XG: variants seen among roughly 807,000 people sequenced by gnomAD.
XG encodes glycoprotein Xg.
XG carries 24 observed loss-of-function variants against 25.7 expected under a neutral mutation model. That is an observed-to-expected ratio of 0.93 (90% confidence interval 0.68 to 1.31). The LOEUF (loss-of-function observed/expected upper bound fraction) is 1.31. Ranked by LOEUF, XG falls within the 40% of genes most tolerant of loss-of-function variation. XG has a pLI of 0.00. For missense variants in XG, 181 were observed against 187.6 expected (o/e 0.96, Z 0.21); for synonymous variants, 77 against 69.2 (o/e 1.11, Z -0.56).
At chrX:2,787,197 C>CTGG (rs1477911303) in intron 4 of XG, among the ~76,000 whole-genome samples, 1 of 109,519 alleles carries the variant, frequency 9.1e-6, no homozygotes, top group African/African-American at 3.3e-5. Context: ...GTTTATAAGC[C>CTGG]ACCCAGTCTT....
At chrX:2,778,953 G>A (rs1488536247) in intron 3 of XG, among the ~76,000 whole-genome samples, 1 of 151,710 alleles carries the variant, frequency 6.6e-6, no homozygotes, top group Admixed American at 6.6e-5. Context: ...TAGTAGAGAC[G>A]GGGTTTCACC....
chrX:2,811,124 T>A (rs746699600), intron 9 of XG, among the ~76,000 whole-genome samples: 25 of 104,921 alleles, frequency 2.4e-4, no homozygotes, highest in Non-Finnish European at 4.1e-4. Flanking sequence ...TCTTTTTTTT[T>A]AAATTAAGTT....
chrX:2,775,709 G>A (rs1397688696), intron 3 of XG, among the ~76,000 whole-genome samples: 2 of 151,036 alleles, frequency 1.3e-5, no homozygotes, highest in African/African-American at 2.4e-5. Flanking sequence ...TAATCCCAGC[G>A]CTTTGAAAGG....
chrX:2,781,194 C>A (rs2068524014), intron 3 of XG, among the ~76,000 whole-genome samples: 1 of 151,698 alleles, frequency 6.6e-6, no homozygotes, highest in African/African-American at 2.4e-5. Flanking sequence ...GAGTTTTTCC[C>A]AGGACTTTCC....
intron 7 of XG, among the ~76,000 whole-genome samples, chrX:2,805,043 G>A (rs376865747): frequency 1.7e-3 from 194 of 112,357 alleles, no homozygotes; most frequent in African/African-American, 5.7e-3. Context: ...GTCAGCGCTC[G>A]GATTAGCATC....
chrX:2,782,860 A>T (rs185517439), intron 4 of XG, among the ~76,000 whole-genome samples: 138 of 111,993 alleles, frequency 1.2e-3, no homozygotes, highest in Non-Finnish European at 2.1e-3. Context: ...GCAAAGGCAG[A>T]CTGGTTCCCA....
At chrX:2,803,464 C>T (rs1439074848) in intron 7 of XG, among the ~76,000 whole-genome samples, 1 of 111,302 alleles carries the variant, frequency 9.0e-6, no homozygotes, top group East Asian at 2.8e-4. Flanking sequence ...GCCAGCTGTG[C>T]CCGAGACCAG....
intron 1 of XG, among the ~76,000 whole-genome samples, chrX:2,760,370 T>C (rs140246906): frequency 1.8e-3 from 272 of 152,030 alleles, no homozygotes; most frequent in East Asian, 8.8e-3. Flanking sequence ...TGTACCCTCC[T>C]CAATTTTACA....
intron 3 of XG, 70 bp downstream of exon 3, chrX:2,774,809 G>A: frequency 6.3e-7 from 1 of 1,591,320 alleles, no homozygotes; most frequent in South Asian, 1.1e-5. Context: ...GGGGATGGTT[G>A]AGGATGTTTT....
At chrX:2,787,268 GAC>G (rs1386372383) in intron 4 of XG, among the ~76,000 whole-genome samples, 1 of 110,956 alleles carries the variant, frequency 9.0e-6, no homozygotes, top group East Asian at 2.8e-4. Flanking sequence ...AGGAGATGAG[GAC>G]ACAGACACAC....
At position 2,781,983 on chromosome X, in the gene XG, C is replaced by G. The variant is rs762340045; in HGVS notation, c.128-83C>G. ...GAACAAACTGCAAGGTCGATAGTCA[C>G]GCTGATGAGCTTGTTTCTGCAGCCT... On this transcript the variant is annotated intron_variant, in intron 3 of 10. Coordinates refer to ENST00000644266, the MANE Select transcript of XG (RefSeq NM_001141919.2). The G allele has an allele frequency of 1.9e-5, 19 of 995,598 alleles. No homozygotes were observed. In the South Asian group the frequency reaches 3.7e-4, roughly 20 times the overall value. The allele number at this position is 995,598 out of a possible 1,213,427, so 82.0% of individuals were successfully genotyped here.
intron 3 of XG, chrX:2,775,045 C>A: frequency 5.1e-6 from 2 of 395,140 alleles, no homozygotes; most frequent in South Asian, 8.4e-5. Context: ...ATGGTACAGC[C>A]ACTGTGAACA....
intron 3 of XG, among the ~76,000 whole-genome samples, chrX:2,779,277 A>G (rs6655015): frequency 0.11 from 15,971 of 150,276 alleles, 882 homozygotes; most frequent in Middle Eastern, 0.15. Context: ...TGGAGGTTGC[A>G]GTGAGCCGAG....
intron 1 of XG, among the ~76,000 whole-genome samples, chrX:2,765,406 G>A (rs2050662741): frequency 6.6e-6 from 1 of 151,250 alleles, no homozygotes; most frequent in African/African-American, 2.4e-5. Context: ...AGGAAGGAAG[G>A]AAGGAAGGAA....
chrX:2,807,430 G>GCA (rs755021631), intron 8 of XG, among the ~76,000 whole-genome samples: 9 of 111,368 alleles, frequency 8.1e-5, no homozygotes, highest in African/African-American at 2.6e-4. Flanking sequence ...GTACAGGCAT[G>GCA]CACACACACA....
chrX:2,770,016 T>TGGGGGGGGGGGG (rs1201452154), intron 1 of XG, among the ~76,000 whole-genome samples: 3 of 45,592 alleles, frequency 6.6e-5, no homozygotes, highest in African/African-American at 2.6e-4. Flanking sequence ...TGTGCGTGTG[T>TGGGGGGGGGGGG]GGAGGGGTGG....
At chrX:2,764,673 G>C (rs2050635147) in intron 1 of XG, among the ~76,000 whole-genome samples, 1 of 151,926 alleles carries the variant, frequency 6.6e-6, no homozygotes, top group South Asian at 2.1e-4. Flanking sequence ...GGCTTCATCT[G>C]CAGCAGCTGA....
At chrX:2,761,473 A>G (rs1212677225) in intron 1 of XG, among the ~76,000 whole-genome samples, 1 of 151,874 alleles carries the variant, frequency 6.6e-6, no homozygotes, top group Non-Finnish European at 1.5e-5. Context: ...AAGACATCTC[A>G]TAAGAAGAGC....
At chrX:2,752,361 G>T (rs769688239) in intron 1 of XG, 26 bp downstream of exon 1, 3 of 1,612,486 alleles carry the variant, frequency 1.9e-6, no homozygotes, top group Non-Finnish European at 8.5e-7. Context: ...CTTTGAGGGA[G>T]ATCTGCCTGG....
Sources: allele counts gnomAD v4.1 joint callset (sites outside exome capture counted in the v4.1 genomes callset), GRCh38; gene constraint gnomAD v4.1.1; transcripts MANE v1.5; gene names NCBI Gene and HGNC (gene_info 2026-07-23, HGNC 2026-07-21).